The following SATL1 variants were observed in gnomAD, a reference collection of about 807,000 sequenced individuals.
SATL1 encodes spermidine/spermine N1-acetyl transferase like 1, also known as spermidine/spermine N(1)-acetyltransferase-like protein 1.
In SATL1, 47 loss-of-function variants were observed where a neutral mutation model predicts 51.8. That is an observed-to-expected ratio of 0.91 (90% confidence interval 0.72 to 1.16). The LOEUF (loss-of-function observed/expected upper bound fraction) is 1.16. Among genes scored for constraint, SATL1 ranks in the 50% most tolerant of loss-of-function variants. The pLI, the probability that SATL1 is intolerant of heterozygous loss-of-function variation, is 0.00. For missense variants in SATL1, 520 were observed against 526.4 expected, an observed-to-expected ratio of 0.99 and a Z score of 0.12; for synonymous variants, 176 against 182.4, an observed-to-expected ratio of 0.97 and a Z score of 0.28.
At chrX:85,098,174 G>A (rs1384490194) in intron 4 of SATL1, among the ~76,000 whole-genome samples, 1 of 111,905 alleles carries the variant, frequency 8.9e-6, no homozygotes, top group Admixed American at 9.5e-5. Context: ...AAGAGAGCTA[G>A]GGTGGCTATA....
chrX:85,139,609 T>C (rs1292168804), intron 2 of SATL1, among the ~76,000 whole-genome samples: 1 of 111,529 alleles, frequency 9.0e-6, no homozygotes, highest in Non-Finnish European at 1.9e-5. Context: ...CTGAGCTTAG[T>C]TCAGTCTCTG....
chrX:85,190,036 A>C (rs912717843), intron 2 of SATL1, among the ~76,000 whole-genome samples: 1 of 112,044 alleles, frequency 8.9e-6, no homozygotes, highest in Non-Finnish European at 1.9e-5. Context: ...GCAGTTTGAT[A>C]TTTAATGAAA....
At chrX:85,154,161 T>A (rs113357565) in intron 2 of SATL1, among the ~76,000 whole-genome samples, 2,521 of 111,339 alleles carry the variant, frequency 0.023, 76 homozygotes, top group African/African-American at 0.079. Context: ...AAGCCAAGTG[T>A]AATTCACCAG....
chrX:85,156,170 G>A lies in SATL1; in HGVS notation c.-312-46890C>T, dbSNP rs141967272. On this transcript the variant is annotated intron_variant, in intron 2 of 7. Coordinates refer to ENST00000644105, the MANE Select transcript of SATL1 (RefSeq NM_001367857.2). Reference sequence around the variant, plus strand: ...TTGAACATGGAAAACGTTAAAAAAGGTCACCATTCTTATTGCTTTCTCTTG... The same window carrying A: ...TTGAACATGGAAAACGTTAAAAAAGATCACCATTCTTATTGCTTTCTCTTG... The A allele has an allele frequency of 1.6e-4, 18 of 111,453 alleles. 1 individual carries two copies. In the East Asian group the frequency reaches 5.1e-3, roughly 31 times the overall value. The allele number at this position is 111,453 out of a possible 1,213,427, so 9.2% of individuals were successfully genotyped here. A position where few individuals can be genotyped will look rare whatever the true frequency, so the allele number is the denominator to read the frequency against.
chrX:85,126,497 A>G (rs1650765811), intron 2 of SATL1, among the ~76,000 whole-genome samples: 1 of 111,401 alleles, frequency 9.0e-6, no homozygotes, highest in Non-Finnish European at 1.9e-5. Context: ...TCAAATTGAA[A>G]TTAGACAATC....
chrX:85,161,684 C>T (rs894681135), intron 2 of SATL1, among the ~76,000 whole-genome samples: 1 of 110,510 alleles, frequency 9.0e-6, no homozygotes, highest in African/African-American at 3.3e-5. Flanking sequence ...TCTTAGAGAC[C>T]TACAAAGAGA....
chrX:85,098,027 G>A (rs947167709), intron 4 of SATL1, among the ~76,000 whole-genome samples: 1 of 111,224 alleles, frequency 9.0e-6, no homozygotes, highest in East Asian at 2.8e-4. Context: ...CACAGAGATA[G>A]GCAGAATAGA....
At chrX:85,214,509 C>T (rs1375291645) in intron 2 of SATL1, among the ~76,000 whole-genome samples, 1 of 111,173 alleles carries the variant, frequency 9.0e-6, no homozygotes, top group Admixed American at 9.6e-5. Context: ...CATTCTACCC[C>T]TGAACGCCTA....
At chrX:85,208,583 G>C (rs1194319582) in intron 2 of SATL1, among the ~76,000 whole-genome samples, 1 of 111,575 alleles carries the variant, frequency 9.0e-6, no homozygotes, top group African/African-American at 3.3e-5. Flanking sequence ...ACTTTTTAAT[G>C]ATTGCCATTC....
intron 2 of SATL1, among the ~76,000 whole-genome samples, chrX:85,133,260 G>A (rs1382476069): frequency 8.9e-6 from 1 of 112,361 alleles, no homozygotes; most frequent in Non-Finnish European, 1.9e-5. Flanking sequence ...CGTGCCTCCA[G>A]AGGTGGGGTC....
Position 85,108,585 on chromosome X carries a change from G to C in SATL1, c.384C>G (p.Gly128=). 8.3e-7 allele frequency: 1 copy of C among 1,205,342 alleles called. No homozygotes were observed. The highest frequency in any genetic ancestry group is 1.1e-6 in the Non-Finnish European group (1 of 891,900). ...GTTGGCTCATACCTGATTGGTTCGT[G>C]CCTATTTGCCTCATGCGTGATTGGC... ...GPSQSRMRQI[G]TNQSGMSQPV... Residue 128 remains glycine (G), a synonymous_variant, in exon 3 of 8, where the codon GGC becomes GGG. Coordinates refer to ENST00000644105, the MANE Select transcript of SATL1 (RefSeq NM_001367857.2).
At chrX:85,094,606 C>T (rs963678293) in intron 5 of SATL1, among the ~76,000 whole-genome samples, 1 of 110,975 alleles carries the variant, frequency 9.0e-6, no homozygotes, top group Non-Finnish European at 1.9e-5. Flanking sequence ...ATTAGTTGGA[C>T]ATAGTGGCAC....
chrX:85,179,961 A>C (rs1363370620), intron 2 of SATL1, among the ~76,000 whole-genome samples: 1 of 109,976 alleles, frequency 9.1e-6, no homozygotes, highest in Non-Finnish European at 1.9e-5. Flanking sequence ...TTGAGTATTC[A>C]TGTGCCAGGA....
Position 85,192,442 on chromosome X carries a change from T to C in SATL1, c.-313+31763A>G, listed in dbSNP as rs944592949. On this transcript the variant is annotated intron_variant, in intron 2 of 7. Coordinates refer to ENST00000644105, the MANE Select transcript of SATL1 (RefSeq NM_001367857.2). ...CTGTATTCTAACCATTTCAAGGTAC[T>C]TGGAGTTCCACAAACACTACCTACA... 9.0e-5 allele frequency among the ~76,000 whole-genome samples: 10 copies of C among 111,178 alleles called. No homozygotes were observed. The East Asian group carries it at 2.6e-3, about 28-fold the overall frequency.
intron 2 of SATL1, among the ~76,000 whole-genome samples, chrX:85,200,521 G>C (rs1476687377): frequency 9.0e-6 from 1 of 111,377 alleles, no homozygotes; most frequent in East Asian, 2.8e-4. Context: ...AGGTTAAAAA[G>C]TGTGAAGCTG....
At chrX:85,190,508 T>C (rs1927412084) in intron 2 of SATL1, among the ~76,000 whole-genome samples, 1 of 111,287 alleles carries the variant, frequency 9.0e-6, no homozygotes, top group African/African-American at 3.3e-5. Flanking sequence ...ATCAACAAAC[T>C]ATCAACATCG....
At chrX:85,175,679 G>T (rs1196072411) in intron 2 of SATL1, among the ~76,000 whole-genome samples, 1 of 111,029 alleles carries the variant, frequency 9.0e-6, no homozygotes, top group Non-Finnish European at 1.9e-5. Context: ...CCCAGAGCTG[G>T]AAATATTAAG....
At chrX:85,197,769 T>C (rs1927603853) in intron 2 of SATL1, among the ~76,000 whole-genome samples, 1 of 108,833 alleles carries the variant, frequency 9.2e-6, no homozygotes, top group Non-Finnish European at 1.9e-5. Context: ...GTCCTTGCGA[T>C]AGTTTACTGA....
chrX:85,234,723 A>G (rs992157575), intron 1 of SATL1, among the ~76,000 whole-genome samples: 4 of 111,690 alleles, frequency 3.6e-5, no homozygotes, highest in Non-Finnish European at 7.5e-5. Context: ...CAAAAAATAA[A>G]AAGCAAGAAA....
Sources: allele counts gnomAD v4.1 joint callset (sites outside exome capture counted in the v4.1 genomes callset), GRCh38; gene constraint gnomAD v4.1.1; transcripts MANE v1.5; gene names NCBI Gene and HGNC (gene_info 2026-07-23, HGNC 2026-07-21).